CEP72: variants seen among roughly 807,000 people sequenced by gnomAD.
CEP72 encodes centrosomal protein of 72 kDa.
A neutral mutation model predicts 65.7 loss-of-function variants in CEP72; 78 were observed. The ratio of observed to expected loss-of-function variants is 1.19; its 90% confidence interval spans 0.99 to 1.43. The LOEUF is 1.43. Among genes scored for constraint, CEP72 ranks in the 40% most tolerant of loss-of-function variants. The pLI, the probability that CEP72 is intolerant of heterozygous loss-of-function variation, is 0.00. For synonymous variants in CEP72, 358 were observed against 351.7 expected (o/e 1.02, Z -0.20); for missense variants, 914 against 832.9 (o/e 1.10, Z -1.20).
intron 4 of CEP72, among the ~76,000 whole-genome samples, chr5:666,459 C>T (rs534295841): frequency 8.5e-5 from 13 of 152,338 alleles, no homozygotes; most frequent in African/African-American, 2.6e-4. Flanking sequence ...CCAGCTGCGC[C>T]GGGAGCTGGG....
downstream of CEP72, among the ~76,000 whole-genome samples, chr5:658,555 T>C (rs1739447172): frequency 1.3e-5 from 2 of 151,862 alleles, no homozygotes; most frequent in Admixed American, 1.3e-4. Context: ...TCATTAGCCA[T>C]GCTGAAATTA....
intron 9 of CEP72, 132 bp from the exon 10 acceptor site, chr5:644,167 A>C: frequency 1.0e-6 from 1 of 979,044 alleles, no homozygotes; most frequent in Non-Finnish European, 1.6e-6. Context: ...AAACTGAATT[A>C]CTGCCTTTCA....
chr5:654,788 A>G (rs1241360233), downstream of CEP72, among the ~76,000 whole-genome samples: 1 of 142,382 alleles, frequency 7.0e-6, no homozygotes, highest in Non-Finnish European at 1.6e-5. Flanking sequence ...AGATTTGGCA[A>G]AGTTGCAGCC....
chr5:649,910 GTGAC>G (rs2126821752), intron 11 of CEP72, among the ~76,000 whole-genome samples: 1 of 127,200 alleles, frequency 7.9e-6, no homozygotes, highest in East Asian at 2.5e-4. Flanking sequence ...TGACTGAGGT[GTGAC>G]TGTGAGGTGT....
the CEP72 span, among the ~76,000 whole-genome samples, chr5:673,379 C>G: frequency 5.3e-4 from 81 of 152,062 alleles, no homozygotes; most frequent in Non-Finnish European, 1.1e-3. Context: ...GAGGGAAGGA[C>G]AGTTTGAGGG....
chr5:671,265 G>A (rs995399288), downstream of CEP72, among the ~76,000 whole-genome samples: 13 of 152,262 alleles, frequency 8.5e-5, no homozygotes, highest in South Asian at 6.2e-4. Context: ...GGGGTGGGGC[G>A]TGTGTAGTCA....
chr5:643,279 C>A, intron 9 of CEP72: 1 of 985,432 alleles, frequency 1.0e-6, no homozygotes, highest in Non-Finnish European at 1.2e-6. Context: ...GGAGGCAAAA[C>A]CATGAGACGT....
intron 11 of CEP72, among the ~76,000 whole-genome samples, chr5:650,368 G>T (rs1738923994): frequency 8.9e-6 from 1 of 112,288 alleles, no homozygotes; most frequent in African/African-American, 3.8e-5. Flanking sequence ...AGGTGTGACT[G>T]TGAGGCGTGG....
chr5:670,489 C>T (rs1388169048), downstream of CEP72, among the ~76,000 whole-genome samples: 1 of 152,096 alleles, frequency 6.6e-6, no homozygotes, highest in Non-Finnish European at 1.5e-5. Context: ...AGGGCACCAA[C>T]CTCTGGGATC....
downstream of CEP72, chr5:655,480 C>A (rs1193596445): frequency 6.6e-6 from 1 of 152,196 alleles, no homozygotes; most frequent in Non-Finnish European, 1.5e-5. The surrounding 1 kb of genome is among the most constrained non-coding windows in gnomAD (Gnocchi z 5.0). Flanking sequence ...CCCAACTGTT[C>A]CAAAGTGGTG....
chr5:641,290 T>A, intron 9 of CEP72: 10 of 985,302 alleles, frequency 1.0e-5, no homozygotes, highest in Non-Finnish European at 1.2e-5. Flanking sequence ...AGGGAGCTGG[T>A]GGTCAGAGAG....
In CEP72 at chr5:612,361, C is replaced by T; in HGVS notation, c.-1C>T. 1 of 1,489,242 alleles carries T rather than the reference C, an allele frequency of 6.7e-7. No homozygotes were observed. Among genetic ancestry groups the T allele is most frequent in the Non-Finnish European group, 8.9e-7 (1 of 1,124,720 alleles). The allele number at this position is 1,489,242 out of a possible 1,614,324, so 92.3% of individuals were successfully genotyped here. On this transcript the variant is annotated 5_prime_UTR_variant, in exon 1 of 12. Coordinates refer to ENST00000264935, the MANE Select transcript of CEP72 (RefSeq NM_018140.4). Reference sequence around the variant, plus strand: ...CGCCGTCCGAGGGCTCCGTTTGAAACATGGCGCGGGCTGGCCCTCGGCTGG... The same window carrying T: ...CGCCGTCCGAGGGCTCCGTTTGAAATATGGCGCGGGCTGGCCCTCGGCTGG...
At chr5:621,920 C>T (rs955473477) in intron 3 of CEP72, among the ~76,000 whole-genome samples, 7 of 152,224 alleles carry the variant, frequency 4.6e-5, no homozygotes, top group Admixed American at 1.3e-4. Context: ...ATTACAGGTG[C>T]GTGCCACTGT....
intron 9 of CEP72, chr5:643,788 C>T: frequency 3.0e-6 from 1 of 337,924 alleles, no homozygotes; most frequent in Non-Finnish European, 4.2e-6. Context: ...GCAGGCGTGG[C>T]CCTTTCCCCT....
Position 645,867 on chromosome 5 carries a change from C to T in CEP72, c.1666+1442C>T, listed in dbSNP as rs1738380712. ...GTGATGTTCTTGTGACTAGAAATTG[C>T]TGTGTGAGCGTCACTCCTGCTCCCG... On this transcript the variant is annotated intron_variant, in intron 10 of 11. Coordinates refer to ENST00000264935, the MANE Select transcript of CEP72 (RefSeq NM_018140.4). This position sits in a 1 kb window ranked among gnomAD's most constrained non-coding sequence, Gnocchi z 4.0. Among the ~76,000 whole-genome samples the T allele has an allele frequency of 6.6e-6, 1 of 152,248 alleles. No homozygotes were observed. The highest frequency in any genetic ancestry group is 2.4e-5 in the African/African-American group (1 of 41,462).
chr5:673,468 G>A, the CEP72 span, among the ~76,000 whole-genome samples: 9 of 152,048 alleles, frequency 5.9e-5, no homozygotes, highest in African/African-American at 1.9e-4. Flanking sequence ...ATGGGGAGGG[G>A]GGGAGGTCAG....
At chr5:666,000 C>T (rs1739892892) in exon 4 of CEP72, 2 of 1,606,164 alleles carry the variant, frequency 1.2e-6, no homozygotes, top group East Asian at 2.2e-5. Context: ...GCGCCTTGCC[C>T]TCGATGAGCC....
At chr5:660,987 A>G (rs1739568954), downstream of CEP72, 1 of 152,252 alleles carries the variant, frequency 6.6e-6, no homozygotes, top group Non-Finnish European at 1.5e-5. Context: ...ATAAATATAT[A>G]TCTTCTACAA....
At chr5:627,488 G>A (rs1736830514) in intron 4 of CEP72, among the ~76,000 whole-genome samples, 1 of 152,212 alleles carries the variant, frequency 6.6e-6, no homozygotes, top group Non-Finnish European at 1.5e-5. Context: ...GACTTGGTGG[G>A]TTAGAGTGTC....
Sources: allele counts gnomAD v4.1 joint callset (sites outside exome capture counted in the v4.1 genomes callset), GRCh38; gene constraint gnomAD v4.1.1; non-coding constraint Gnocchi (gnomAD v3.1); transcripts MANE v1.5; gene names NCBI Gene and HGNC (gene_info 2026-07-23, HGNC 2026-07-21).